Variants in RALGDS observed in about 807,000 individuals in gnomAD.
The protein encoded by RALGDS is ral guanine nucleotide exchange factor.
In RALGDS, 44 loss-of-function variants were observed where a neutral mutation model predicts 99.8. The ratio of observed to expected loss-of-function variants is 0.44; its 90% CI spans 0.35 to 0.57. The LOEUF (loss-of-function observed/expected upper bound fraction) is 0.57. RALGDS is among the 20% of genes least tolerant of loss of function. RALGDS has a pLI of 0.01. For synonymous variants in RALGDS, 529 were observed against 505.0 expected (o/e 1.05, Z -0.64); for missense variants, 1,022 against 1,203.1 (o/e 0.85, Z 2.23).
intron 3 of RALGDS, 45 bp downstream of exon 3, chr9:133,110,251 G>T (rs1465420389): frequency 1.9e-6 from 3 of 1,571,332 alleles, no homozygotes; most frequent in Non-Finnish European, 2.6e-6. Flanking sequence ...GGGGGTGGGG[G>T]CGAGGGCCCC....
At position 133,107,137 on chromosome 9, in the gene RALGDS, G is replaced by A. The variant is rs141988412; in HGVS notation, c.1361C>T (p.Thr454Met). ...CACCCTGGCCCTGTCTGGGGCTTTC[G>A]TGCTTCGGTTCCCGAGGCAGGTGGT... The part of the protein sequence containing the change: ...VITTCLGNRS[T>M]KAPDRARVVE... Residue 454 changes from threonine (T) to methionine (M), a missense_variant, in exon 7 of 18, where the codon ACG (threonine) becomes ATG (methionine). Physicochemically the swap from Thr to Met is moderately conservative, Grantham distance 81. This residue lies in a region of RALGDS where 825 missense variants were observed against 994.5 expected (regional missense o/e 0.83). Coordinates refer to ENST00000372050, the MANE Select transcript of RALGDS (RefSeq NM_006266.4). The A allele has an allele frequency of 2.2e-5, 35 of 1,613,658 alleles. No homozygotes were observed. The highest frequency in any genetic ancestry group is 3.3e-5 in the Admixed American group (2 of 60,016).
chr9:133,143,738 CAATAATAAT>C (rs747330308), intron 1 of RALGDS, among the ~76,000 whole-genome samples: 267 of 108,086 alleles, frequency 2.5e-3, no homozygotes, highest in Non-Finnish European at 2.8e-3. Flanking sequence ...GACCCTGTCT[CAATAATAAT>C]AATAATAATA....
At position 133,129,111 on chromosome 9, in the gene RALGDS, A is replaced by G. The variant is rs775051618; in HGVS notation, c.132+1841T>C. ...GTGACCCACCCAGCCCCTCCCCGGC[A>G]GAGGCACTGGTTGCCCTGGAAACTC... is the stretch of plus-strand genomic sequence containing the variant. On this transcript the variant is annotated intron_variant, in intron 1 of 17. Transcript: ENST00000372062. 1.1e-5 allele frequency: 14 copies of G among 1,220,946 alleles called. No individual in the cohort carries two copies. The East Asian group carries it at 5.2e-4, about 45-fold the overall frequency. The allele number at this position is 1,220,946 out of a possible 1,614,324, so 75.6% of individuals were successfully genotyped here.
intron 16 of RALGDS, chr9:133,101,285 A>G: frequency 7.3e-7 from 1 of 1,364,168 alleles, no homozygotes; most frequent in Non-Finnish European, 9.8e-7. Context: ...CACCTCCCCT[A>G]CAGCACCGCC....
chr9:133,116,856 C>T (rs1403428895), intron 1 of RALGDS, among the ~76,000 whole-genome samples: 2 of 152,350 alleles, frequency 1.3e-5, no homozygotes, highest in East Asian at 1.9e-4. Flanking sequence ...CCAGGCCTGG[C>T]GCTGCCTCTG....
In RALGDS at chr9:133,103,311, TAC is replaced by T. The variant is rs560962658; in HGVS notation, c.1759-51_1759-50del. ...CGTCAGAAAGTGACCCCTTGACCAT[TAC>T]AGTCTCCCCACCTCATGCTGCACTA... On this transcript the variant is annotated intron_variant, in intron 11 of 17. Transcript: ENST00000372050. 4.3e-4 allele frequency: 694 copies of T among 1,609,898 alleles called. 9 individuals carry two copies. In the East Asian group the frequency reaches 0.015, roughly 36 times the overall value.
intron 1 of RALGDS, among the ~76,000 whole-genome samples, chr9:133,141,156 C>T (rs1219057156): frequency 6.6e-6 from 1 of 152,108 alleles, no homozygotes. Flanking sequence ...CATGAGAGCA[C>T]CGGGAGTTCC....
At chr9:133,118,942 G>A (rs534998115) in intron 1 of RALGDS, among the ~76,000 whole-genome samples, 8 of 152,240 alleles carry the variant, frequency 5.3e-5, no homozygotes, top group Non-Finnish European at 1.2e-4. Flanking sequence ...CAGATGAAGT[G>A]AGGGGGTGGC....
At chr9:133,106,518 C>T in intron 8 of RALGDS, 127 bp downstream of exon 8, 1 of 703,200 alleles carries the variant, frequency 1.4e-6, no homozygotes. Flanking sequence ...AGAGCTGCTG[C>T]CAACTCAGGT....
intron 3 of RALGDS, 62 bp downstream of exon 3, chr9:133,110,234 G>C (rs1831276590): frequency 6.6e-7 from 1 of 1,508,164 alleles, no homozygotes; most frequent in Non-Finnish European, 9.2e-7. Context: ...AAGACCCGCA[G>C]CCAGGTGGGG....
At chr9:133,108,651 C>T (rs547845898) in intron 5 of RALGDS, 22 bp downstream of exon 5, 5 of 1,612,248 alleles carry the variant, frequency 3.1e-6, no homozygotes, top group Non-Finnish European at 3.4e-6. Flanking sequence ...CACCCTCTGG[C>T]ACCCACCCCA....
In RALGDS at chr9:133,100,303, T is replaced by C. The variant is rs1017495823; in HGVS notation, c.2534A>G (p.Asp845Gly). 6.2e-7 allele frequency: 1 copy of C among 1,614,178 alleles called. No individual in the cohort carries two copies. The highest frequency in any genetic ancestry group is 1.7e-5 in the Admixed American group (1 of 60,026). ...KHNLEEEEPEDYELLQILSDD... is the reference protein window; with the variant it reads ...KHNLEEEEPEGYELLQILSDD... Reference sequence around the variant, plus strand: ...TGAGAGAATCTGCAGCAGCTCATAGTCCTCCGGCTCCTCCTCCTCCAGGTT... The same window carrying C: ...TGAGAGAATCTGCAGCAGCTCATAGCCCTCCGGCTCCTCCTCCTCCAGGTT... The change falls in exon 17 of 18, where the codon GAC becomes GGC. Residue 845 changes from aspartate (D) to glycine (G), a missense_variant. Coordinates refer to ENST00000372050, the MANE Select transcript of RALGDS (RefSeq NM_006266.4).
At chr9:133,105,357 C>T (rs985499578) in intron 9 of RALGDS, among the ~76,000 whole-genome samples, 2 of 152,152 alleles carry the variant, frequency 1.3e-5, no homozygotes, top group Non-Finnish European at 1.5e-5. Context: ...TAATGGGGTG[C>T]CATGGGAAGA....
chr9:133,122,977 T>G (rs533577938), upstream of RALGDS, among the ~76,000 whole-genome samples: 1 of 152,236 alleles, frequency 6.6e-6, no homozygotes, highest in South Asian at 2.1e-4. Context: ...GAGCTGGGAT[T>G]ACAGGCAGGA....
chr9:133,099,344 TC>T (rs1292203527), intron 17 of RALGDS: 1 of 154,444 alleles, frequency 6.5e-6, no homozygotes, highest in African/African-American at 2.4e-5. Flanking sequence ...TCTCTAGGCC[TC>T]AGTCTTCCTT....
At chr9:133,107,505 C>T (rs1191832979) in intron 6 of RALGDS, among the ~76,000 whole-genome samples, 1 of 152,256 alleles carries the variant, frequency 6.6e-6, no homozygotes, top group Non-Finnish European at 1.5e-5. Flanking sequence ...CAAGCCCCAG[C>T]TCCAACAGGC....
At chr9:133,105,298 C>T (rs562780637) in intron 9 of RALGDS, among the ~76,000 whole-genome samples, 315 of 152,290 alleles carry the variant, frequency 2.1e-3, no homozygotes, top group Non-Finnish European at 2.8e-3. Context: ...CTCGTGAATC[C>T]ATTAGTCACT....
Position 133,144,770 on chromosome 9 carries a change from C to T in RALGDS, c.18+4193G>A, listed in dbSNP as rs760629828. ...CCGGCCTTTGGGAGGGGGATCATTC[C>T]CAATACTCCTGTTACGGGTTGAACT... On this transcript the variant is annotated intron_variant, in intron 1 of 17. Coordinates refer to the RALGDS transcript ENST00000393160. The surrounding 1 kb of genome is among the most constrained non-coding windows in gnomAD (Gnocchi z 4.5). Among the ~76,000 whole-genome samples the T allele has an allele frequency of 2.4e-4, 37 of 152,210 alleles. No homozygotes were observed. Among genetic ancestry groups the T allele is most frequent in the Non-Finnish European group, 4.4e-4 (30 of 68,046 alleles).
chr9:133,118,830 C>A (rs1414777314), intron 1 of RALGDS, among the ~76,000 whole-genome samples: 1 of 152,216 alleles, frequency 6.6e-6, no homozygotes, highest in Admixed American at 6.5e-5. Flanking sequence ...GGCTGCGGCC[C>A]TTGCTGGCTG....
Sources: allele counts gnomAD v4.1 joint callset (sites outside exome capture counted in the v4.1 genomes callset), GRCh38; gene constraint gnomAD v4.1.1; regional missense constraint gnomAD v4.1.1; non-coding constraint Gnocchi (gnomAD v3.1); transcripts MANE v1.5; gene names NCBI Gene and HGNC (gene_info 2026-07-23, HGNC 2026-07-21).